DIPK1A: variants seen among roughly 807,000 people sequenced by gnomAD.
The protein encoded by DIPK1A is divergent protein kinase domain 1A, also known as family with sequence similarity 69 member A.
A neutral mutation model predicts 40.8 loss-of-function variants in DIPK1A; 27 were observed. The observed-to-expected ratio is 0.66, with a 90% confidence interval of 0.49 to 0.91. The LOEUF (loss-of-function observed/expected upper bound fraction) is 0.91, where lower values mean the gene tolerates loss of function less well. DIPK1A is among the 40% of genes least tolerant of loss of function. The probability of loss-of-function intolerance (pLI) is 0.00; values close to 1 mark genes in which losing one functional copy is unlikely to be tolerated. For missense variants in DIPK1A, 412 were observed against 505.7 expected (o/e 0.81, Z 1.78); for synonymous variants, 166 against 171.3 (o/e 0.97, Z 0.24).
intron 1 of DIPK1A, among the ~76,000 whole-genome samples, chr1:92,904,993 T>A (rs190238357): frequency 9.8e-4 from 149 of 152,288 alleles, no homozygotes; most frequent in Middle Eastern, 3.4e-3. Flanking sequence ...CTCATTTTTT[T>A]CCTATGGCTG....
chr1:92,871,662 T>A (rs113816840), intron 2 of DIPK1A, among the ~76,000 whole-genome samples: 2 of 152,342 alleles, frequency 1.3e-5, no homozygotes, highest in African/African-American at 4.8e-5. Context: ...CCTTCTCCCA[T>A]TTTATATGTA....
chr1:92,837,525 C>T (rs1687176599), downstream of DIPK1A: 1 of 1,612,160 alleles, frequency 6.2e-7, no homozygotes, highest in African/African-American at 1.3e-5. Flanking sequence ...GGAAGCACAT[C>T]ATGGGCCAGA....
At chr1:92,861,685 T>C (rs1647278667) in intron 2 of DIPK1A, among the ~76,000 whole-genome samples, 1 of 152,156 alleles carries the variant, frequency 6.6e-6, no homozygotes, top group South Asian at 2.1e-4. Flanking sequence ...CCTTATATTA[T>C]TTAACCTCCT....
chr1:92,835,582 C>T (rs1446283240), intron 4 of DIPK1A, among the ~76,000 whole-genome samples: 1 of 150,918 alleles, frequency 6.6e-6, no homozygotes, highest in African/African-American at 2.4e-5. Context: ...ATCACTTGAA[C>T]CCAGAAGGCA....
intron 1 of DIPK1A, among the ~76,000 whole-genome samples, chr1:92,914,384 G>A (rs891583703): frequency 1.3e-5 from 2 of 152,028 alleles, no homozygotes; most frequent in African/African-American, 2.4e-5. Context: ...CCCTTAAAGT[G>A]GAAATAGGAA....
At chr1:92,864,128 T>C (rs1647422897) in intron 2 of DIPK1A, among the ~76,000 whole-genome samples, 1 of 152,140 alleles carries the variant, frequency 6.6e-6, no homozygotes, top group East Asian at 1.9e-4. Context: ...TGGTTCAGTA[T>C]ATTTAAAAAA....
In DIPK1A at chr1:92,845,664, A is replaced by C. The variant is rs574724408; in HGVS notation, c.475-1469T>G. 2.3e-3 allele frequency among the ~76,000 whole-genome samples: 351 copies of C among 151,824 alleles called. 1 individual carries two copies. The highest frequency in any genetic ancestry group is 8.1e-3 in the African/African-American group (337 of 41,380). The stretch of plus-strand genomic sequence containing the variant: ...AGACCAGCCTGGCCAAAATAGTGAA[A>C]TCCCATCTCTACTAAAAATACAAAA... On this transcript the variant is annotated intron_variant, in intron 4 of 4. Coordinates refer to ENST00000370310, the MANE Select transcript of DIPK1A (RefSeq NM_001006605.5).
intron 1 of DIPK1A, among the ~76,000 whole-genome samples, chr1:92,953,056 A>G (rs781222793): frequency 6.6e-6 from 1 of 152,216 alleles, no homozygotes; most frequent in Non-Finnish European, 1.5e-5. Flanking sequence ...TCTGCTCACA[A>G]TAACACATAA....
chr1:92,868,833 G>T (rs1442926009), intron 2 of DIPK1A, among the ~76,000 whole-genome samples: 1 of 151,962 alleles, frequency 6.6e-6, no homozygotes, highest in Non-Finnish European at 1.5e-5. Context: ...GGGCATGGTG[G>T]CAGGCGCCTG....
chr1:92,850,796 G>T, intron 3 of DIPK1A, 52 bp downstream of exon 3: 1 of 1,120,856 alleles, frequency 8.9e-7, no homozygotes. Context: ...TTAATTTCTG[G>T]TAAAATTAGA....
intron 4 of DIPK1A, 133 bp from the exon 5 acceptor site, chr1:92,844,328 G>A (rs1687502750): frequency 3.2e-6 from 2 of 628,080 alleles, no homozygotes; most frequent in Admixed American, 5.9e-5. Flanking sequence ...GGAACTTAAT[G>A]TATTATATCT....
chr1:92,899,260 T>C (rs900720150), intron 1 of DIPK1A, among the ~76,000 whole-genome samples: 1 of 152,232 alleles, frequency 6.6e-6, no homozygotes, highest in Non-Finnish European at 1.5e-5. Context: ...ATAATTGTTA[T>C]ATCCTCTGGC....
chr1:92,954,808 T>G (rs1332196016), intron 1 of DIPK1A, among the ~76,000 whole-genome samples: 1 of 152,046 alleles, frequency 6.6e-6, no homozygotes, highest in African/African-American at 2.4e-5. Flanking sequence ...AAAAGAAAAC[T>G]TTCATGGAGA....
intron 1 of DIPK1A, among the ~76,000 whole-genome samples, chr1:92,909,573 CT>C (rs1437296203): frequency 1.3e-5 from 2 of 152,230 alleles, no homozygotes; most frequent in African/African-American, 4.8e-5. Flanking sequence ...GAAAGAGTGG[CT>C]TTCACAGGAC....
intron 1 of DIPK1A, among the ~76,000 whole-genome samples, chr1:92,940,051 A>G (rs188288145): frequency 6.6e-6 from 1 of 152,316 alleles, no homozygotes; most frequent in Admixed American, 6.5e-5. Flanking sequence ...GGTGAAATGG[A>G]AGGCTTAATC....
At chr1:92,874,565 C>G (rs1435419858) in intron 2 of DIPK1A, among the ~76,000 whole-genome samples, 1 of 152,112 alleles carries the variant, frequency 6.6e-6, no homozygotes, top group Non-Finnish European at 1.5e-5. Context: ...CTCCAAGGTA[C>G]CTAGTTTGAG....
intron 2 of DIPK1A, 26 bp downstream of exon 2, chr1:92,876,270 G>A: frequency 1.4e-6 from 2 of 1,425,988 alleles, no homozygotes; most frequent in Non-Finnish European, 1.9e-6. Flanking sequence ...AGGCTTTTTA[G>A]TAAACAGGAA....
intron 1 of DIPK1A, among the ~76,000 whole-genome samples, chr1:92,899,141 TG>T (rs1649306880): frequency 6.6e-6 from 1 of 152,158 alleles, no homozygotes. Context: ...GAGTGTGGAG[TG>T]CTGAAACCCC....
chr1:92,908,498 A>C (rs182298529), intron 1 of DIPK1A, among the ~76,000 whole-genome samples: 1 of 152,334 alleles, frequency 6.6e-6, no homozygotes, highest in East Asian at 1.9e-4. Context: ...CATTGGATTT[A>C]GTAACATGGA....
Sources: allele counts gnomAD v4.1 joint callset (sites outside exome capture counted in the v4.1 genomes callset), GRCh38; gene constraint gnomAD v4.1.1; transcripts MANE v1.5; gene names NCBI Gene and HGNC (gene_info 2026-07-23, HGNC 2026-07-21).